APP: variants seen among roughly 807,000 people sequenced by gnomAD.
APP encodes the protein amyloid beta precursor protein.
In APP, 31 loss-of-function variants were observed where a neutral mutation model predicts 101.4. That is an observed-to-expected ratio of 0.31 (90% CI 0.23 to 0.41). The LOEUF (loss-of-function observed/expected upper bound fraction) is 0.41, where lower values mean the gene tolerates loss of function less well. Among genes scored for constraint, APP ranks in the 10% least tolerant of loss-of-function variants. APP has a pLI of 1.00. For synonymous variants in APP, 366 were observed against 364.4 expected (o/e 1.00, Z -0.05); for missense variants, 839 against 1,003.7 (o/e 0.84, Z 2.22).
At chr21:26,047,046 T>C (rs1367054227) in intron 5 of APP, among the ~76,000 whole-genome samples, 1 of 152,210 alleles carries the variant, frequency 6.6e-6, no homozygotes, top group Non-Finnish European at 1.5e-5. Context: ...TCTGAGAATA[T>C]GACCATTACA....
intron 1 of APP, among the ~76,000 whole-genome samples, chr21:26,127,035 T>C (rs898275529): frequency 1.3e-5 from 2 of 152,112 alleles, no homozygotes; most frequent in Non-Finnish European, 2.9e-5. Context: ...TTATTAACAT[T>C]AAGCAAGATA....
At chr21:26,031,400 T>C (rs2044814163) in intron 5 of APP, among the ~76,000 whole-genome samples, 1 of 152,152 alleles carries the variant, frequency 6.6e-6, no homozygotes, top group Non-Finnish European at 1.5e-5. Context: ...AATAATTGGT[T>C]CTGTTAAGGA....
intron 5 of APP, among the ~76,000 whole-genome samples, chr21:26,048,972 A>G (rs2045724469): frequency 6.6e-6 from 1 of 152,238 alleles, no homozygotes; most frequent in Non-Finnish European, 1.5e-5. Context: ...ATGCCAGGAG[A>G]GTCACATACA....
At chr21:26,013,410 G>A (rs1193533750) in intron 6 of APP, among the ~76,000 whole-genome samples, 2 of 151,170 alleles carry the variant, frequency 1.3e-5, no homozygotes, top group Admixed American at 6.6e-5. Context: ...CTTCTTTGAG[G>A]TTTGATTTTT....
chr21:26,054,836 T>C (rs1210402935), intron 3 of APP, among the ~76,000 whole-genome samples: 4 of 152,056 alleles, frequency 2.6e-5, no homozygotes, highest in Admixed American at 2.6e-4. Flanking sequence ...TGTCTTTCTT[T>C]CATAGTACGC....
Position 26,112,716 on chromosome 21 carries a change from C to T in APP, c.58-570G>A, listed in dbSNP as rs554778353. 7.9e-5 allele frequency among the ~76,000 whole-genome samples: 12 copies of T among 152,248 alleles called. No individual in the cohort carries two copies. The South Asian group carries it at 1.0e-3, about 13-fold the overall frequency. On this transcript the variant is annotated intron_variant, in intron 1 of 17. Coordinates refer to ENST00000346798, the MANE Select transcript of APP (RefSeq NM_000484.4). ...CCACAAATATAACTGAGTATGTTGG[C>T]GATCCCTCCTGGTTTCCCCCAGAAT...
chr21:26,106,604 A>C (rs1473378697), intron 2 of APP, among the ~76,000 whole-genome samples: 1 of 152,094 alleles, frequency 6.6e-6, no homozygotes, highest in Non-Finnish European at 1.5e-5. Flanking sequence ...TCTCACTCAA[A>C]GCGCTGCGAC....
intron 5 of APP, among the ~76,000 whole-genome samples, chr21:26,029,015 T>G: frequency 6.6e-6 from 1 of 151,146 alleles, no homozygotes; most frequent in Admixed American, 6.6e-5. Context: ...ACCAAGAGAG[T>G]GCATGGATGG....
At chr21:25,950,379 TTC>T (rs1417569376) in intron 13 of APP, among the ~76,000 whole-genome samples, 1 of 148,192 alleles carries the variant, frequency 6.7e-6, no homozygotes, top group African/African-American at 2.6e-5. Flanking sequence ...CTTTTTTTTT[TTC>T]TTTTTTTTTT....
intron 11 of APP, among the ~76,000 whole-genome samples, chr21:25,955,980 A>G (rs1270491338): frequency 1.3e-5 from 2 of 152,202 alleles, no homozygotes; most frequent in Non-Finnish European, 2.9e-5. Flanking sequence ...CATTCTCGAC[A>G]TATATGATGA....
chr21:26,157,501 G>A (rs1188814606), intron 1 of APP, among the ~76,000 whole-genome samples: 1 of 152,196 alleles, frequency 6.6e-6, no homozygotes, highest in African/African-American at 2.4e-5. Context: ...ATTCTGTAAT[G>A]TGTCAAACTA....
At chr21:25,885,784 C>G (rs371482341) in intron 17 of APP, among the ~76,000 whole-genome samples, 2 of 152,282 alleles carry the variant, frequency 1.3e-5, no homozygotes, top group East Asian at 3.9e-4. Flanking sequence ...CTCCATACCC[C>G]CTGACCCTTT....
intron 5 of APP, among the ~76,000 whole-genome samples, chr21:26,032,035 T>C (rs1174604580): frequency 6.6e-6 from 1 of 152,074 alleles, no homozygotes; most frequent in African/African-American, 2.4e-5. Context: ...TTGAAGTAAG[T>C]AGAAAAGTAC....
intron 6 of APP, among the ~76,000 whole-genome samples, chr21:26,004,178 T>C (rs527645681): frequency 1.3e-5 from 2 of 151,988 alleles, no homozygotes; most frequent in South Asian, 4.2e-4. Flanking sequence ...AGCAGCAGCA[T>C]AGACTTGGGT....
chr21:26,135,648 G>A (rs904784755), intron 1 of APP, among the ~76,000 whole-genome samples: 2 of 152,134 alleles, frequency 1.3e-5, no homozygotes, highest in African/African-American at 4.8e-5. Flanking sequence ...TGGATGGTGA[G>A]GCCTCCATCA....
At chr21:26,053,404 C>T (rs1043719846) in intron 3 of APP, 56 bp from the exon 4 acceptor site, 34 of 1,245,122 alleles carry the variant, frequency 2.7e-5, no homozygotes, top group African/African-American at 1.9e-4. Context: ...GTGTTCTTAC[C>T]GCAGAAGACA....
At chr21:25,893,232 C>T (rs552227774) in intron 16 of APP, among the ~76,000 whole-genome samples, 2 of 152,138 alleles carry the variant, frequency 1.3e-5, no homozygotes, top group East Asian at 3.9e-4. Context: ...CCAAACTGGC[C>T]ACTCCACCCC....
chr21:25,950,641 AGCTGTTTTTTT>A (rs1247650661), intron 13 of APP, among the ~76,000 whole-genome samples: 19 of 152,014 alleles, frequency 1.2e-4, no homozygotes, highest in African/African-American at 4.1e-4. Context: ...GCCGGCCTGC[AGCTGTTTTTTT>A]TGTTTTGTCT....
chr21:25,943,989 A>G (rs1413958268), intron 13 of APP, among the ~76,000 whole-genome samples: 2 of 152,174 alleles, frequency 1.3e-5, no homozygotes, highest in African/African-American at 4.8e-5. Context: ...ACATAGGTCC[A>G]CACCTCAGTA....
Sources: allele counts gnomAD v4.1 joint callset (sites outside exome capture counted in the v4.1 genomes callset), GRCh38; gene constraint gnomAD v4.1.1; transcripts MANE v1.5; gene names NCBI Gene and HGNC (gene_info 2026-07-23, HGNC 2026-07-21).